L3MBTL3: variants seen among roughly 807,000 people sequenced by gnomAD.
L3MBTL3 encodes the protein L3MBTL histone methyl-lysine binding protein 3, also known as lethal(3)malignant brain tumor-like protein 3.
A neutral mutation model predicts 102.3 loss-of-function variants in L3MBTL3; 27 were observed. The ratio of observed to expected loss-of-function variants is 0.26; its 90% CI spans 0.19 to 0.36. L3MBTL3 has a LOEUF of 0.36. L3MBTL3 is among the 10% of genes least tolerant of loss of function. The pLI is 1.00. For synonymous variants in L3MBTL3, 340 were observed against 320.9 expected, an observed-to-expected ratio of 1.06 and a Z score of -0.64; for missense variants, 798 against 955.3, an observed-to-expected ratio of 0.84 and a Z score of 2.17.
At chr6:130,027,434 A>G (rs1779423551) in intron 2 of L3MBTL3, among the ~76,000 whole-genome samples, 1 of 152,160 alleles carries the variant, frequency 6.6e-6, no homozygotes, top group Non-Finnish European at 1.5e-5. Context: ...ACACTGTTGA[A>G]CCCTGAATAG....
intron 2 of L3MBTL3, among the ~76,000 whole-genome samples, chr6:130,027,665 GTAAATCTTAGCT>G (rs1296501765): frequency 1.3e-5 from 2 of 151,894 alleles, no homozygotes; most frequent in African/African-American, 4.8e-5. Context: ...GAAATCAAGT[GTAAATCTTAGCT>G]TTATGTTCTA....
At chr6:130,044,545 T>C (rs944866265) in intron 3 of L3MBTL3, among the ~76,000 whole-genome samples, 8 of 152,224 alleles carry the variant, frequency 5.3e-5, no homozygotes, top group African/African-American at 1.7e-4. Flanking sequence ...CTATTACTTG[T>C]ATTAAGGTAA....
At chr6:130,081,582 C>CT (rs1491277967) in intron 14 of L3MBTL3, among the ~76,000 whole-genome samples, 35 of 96,100 alleles carry the variant, frequency 3.6e-4, no homozygotes, top group Middle Eastern at 5.8e-3. Flanking sequence ...CCACACCTGG[C>CT]TATTTTTTTT....
Position 130,042,674 on chromosome 6 carries a change from TC to T in L3MBTL3, c.-15-7del. On this transcript the variant is annotated splice_polypyrimidine_tract_variant and intron_variant, in intron 2 of 22. Transcript: ENST00000361794. ...GAATATTTAGTGATATGCCTTCTTT[TC>T]CCCTTTCAGGTTAAAAAATAAATCA... is the stretch of plus-strand genomic sequence containing the variant. 1 of 1,492,050 alleles carries T rather than the reference TC, an allele frequency of 6.7e-7. No homozygotes were observed. The highest frequency in any genetic ancestry group is 1.1e-5 in the South Asian group (1 of 88,430). 92.4% of individuals were successfully genotyped at this position (1,492,050 alleles called of 1,614,324 possible).
intron 3 of L3MBTL3, among the ~76,000 whole-genome samples, chr6:130,048,955 C>CAT (rs1387957910): frequency 2.8e-5 from 4 of 142,572 alleles, no homozygotes; most frequent in Non-Finnish European, 6.3e-5. Context: ...CACACACACA[C>CAT]ACACACACAC....
At chr6:130,075,794 G>C (rs1782913650) in intron 13 of L3MBTL3, among the ~76,000 whole-genome samples, 1 of 152,126 alleles carries the variant, frequency 6.6e-6, no homozygotes, top group Non-Finnish European at 1.5e-5. Flanking sequence ...AGTCTCCTAG[G>C]AGCAGCTAGC....
At chr6:130,116,091 C>T (rs1785655959) in intron 19 of L3MBTL3, among the ~76,000 whole-genome samples, 2 of 152,118 alleles carry the variant, frequency 1.3e-5, no homozygotes, top group South Asian at 2.1e-4. Context: ...TGCTTGGAAC[C>T]ATTACTCTAA....
intron 16 of L3MBTL3, among the ~76,000 whole-genome samples, chr6:130,088,920 T>G (rs1423114570): frequency 6.6e-6 from 1 of 152,162 alleles, no homozygotes; most frequent in Admixed American, 6.6e-5. Flanking sequence ...AGCAAAGTAG[T>G]CTTCTCCTTG....
chr6:130,108,855 G>A (rs1362822976), intron 19 of L3MBTL3, among the ~76,000 whole-genome samples: 2 of 151,376 alleles, frequency 1.3e-5, no homozygotes, highest in Non-Finnish European at 2.9e-5. Context: ...CCCTCCCCTT[G>A]CCCCTGTCCC....
chr6:130,047,168 T>A (rs1780777713), intron 3 of L3MBTL3, among the ~76,000 whole-genome samples: 2 of 152,180 alleles, frequency 1.3e-5, no homozygotes, highest in Admixed American at 1.3e-4. Flanking sequence ...GAAAGCTGTA[T>A]ATGCACATAT....
intron 14 of L3MBTL3, among the ~76,000 whole-genome samples, chr6:130,080,203 A>T (rs1242828636): frequency 6.6e-6 from 1 of 151,884 alleles, no homozygotes; most frequent in Non-Finnish European, 1.5e-5. Flanking sequence ...GCAGTCAGCC[A>T]GCTATGATTA....
chr6:130,115,411 G>T (rs1785603892), intron 19 of L3MBTL3, among the ~76,000 whole-genome samples: 1 of 152,194 alleles, frequency 6.6e-6, no homozygotes, highest in Admixed American at 6.5e-5. Context: ...TAAAGAGGTG[G>T]CGGAAATCGA....
At chr6:130,089,173 C>T (rs1352650317) in intron 16 of L3MBTL3, among the ~76,000 whole-genome samples, 1 of 151,924 alleles carries the variant, frequency 6.6e-6, no homozygotes, top group African/African-American at 2.4e-5. Flanking sequence ...GCCATTAACT[C>T]GTCATTTACA....
At chr6:130,020,591 G>C (rs1398649889) in intron 1 of L3MBTL3, 2 of 151,676 alleles carry the variant, frequency 1.3e-5, no homozygotes, top group Non-Finnish European at 2.9e-5. Flanking sequence ...GTCGCGCTCA[G>C]AGGGAGGTGG....
chr6:130,138,502 G>T (rs912199157), intron 22 of L3MBTL3: 2 of 152,070 alleles, frequency 1.3e-5, no homozygotes, highest in Non-Finnish European at 2.9e-5. Context: ...TCCTTTTTAT[G>T]AGGATACCAG....
intron 5 of L3MBTL3, among the ~76,000 whole-genome samples, chr6:130,050,270 C>A (rs1781012435): frequency 6.6e-6 from 1 of 152,224 alleles, no homozygotes; most frequent in African/African-American, 2.4e-5. Flanking sequence ...TGGGTGCCTG[C>A]ACCTACCTGC....
chr6:130,034,623 A>G (rs766551625), intron 2 of L3MBTL3, among the ~76,000 whole-genome samples: 4 of 152,212 alleles, frequency 2.6e-5, no homozygotes, highest in Non-Finnish European at 5.9e-5. Context: ...TGTCATCAAC[A>G]CTAGACTCAA....
chr6:130,094,788 A>G (rs1784262502), intron 18 of L3MBTL3, among the ~76,000 whole-genome samples: 1 of 152,218 alleles, frequency 6.6e-6, no homozygotes, highest in Non-Finnish European at 1.5e-5. Flanking sequence ...CACAAAATGC[A>G]CAATATAAAT....
At chr6:130,042,407 T>C (rs2114688997) in intron 2 of L3MBTL3, among the ~76,000 whole-genome samples, 1 of 152,346 alleles carries the variant, frequency 6.6e-6, no homozygotes, top group African/African-American at 2.4e-5. Flanking sequence ...GAATATGCCT[T>C]GAATAAATGA....
Sources: gnomAD v4.1 joint callset for allele counts (sites outside exome capture counted in the v4.1 genomes callset) on GRCh38, gnomAD v4.1.1 for gene constraint, MANE v1.5 for transcripts, NCBI Gene and HGNC (gene_info 2026-07-23, HGNC 2026-07-21) for gene names.